Variants in SGCZ observed in about 807,000 individuals in gnomAD.
The protein encoded by SGCZ is zeta-sarcoglycan.
In SGCZ, 40 loss-of-function variants were observed where a neutral mutation model predicts 41.3. The observed-to-expected ratio is 0.97, with a 90% CI of 0.75 to 1.26. SGCZ has a LOEUF of 1.26. Ranked by LOEUF, SGCZ falls within the 50% of genes most tolerant of loss-of-function variation. The pLI is 0.00. For missense variants in SGCZ, 552 were observed against 369.8 expected (o/e 1.49, Z -4.04); for synonymous variants, 206 against 137.5 (o/e 1.50, Z -3.49).
In SGCZ at chr8:14,789,975, T is replaced by C. The variant is rs1800895986; in HGVS notation, c.40-235049A>G. Among the ~76,000 whole-genome samples, 3 of 152,320 alleles carry C rather than the reference T, an allele frequency of 2.0e-5. No individual in the cohort carries two copies. The South Asian group carries it at 6.2e-4, about 32-fold the overall frequency. ...ATGTTTGGTGTTACATAAATGTACA[T>C]TGATTAAATGTAAATTCATGTAAAT... On this transcript the variant is annotated intron_variant, in intron 1 of 7. Transcript: ENST00000382080.
intron 1 of SGCZ, among the ~76,000 whole-genome samples, chr8:15,095,163 A>T (rs1806297241): frequency 6.6e-6 from 1 of 152,076 alleles, no homozygotes; most frequent in South Asian, 2.1e-4. Context: ...CAATGGCGTG[A>T]TCTCAACTCA....
intron 2 of SGCZ, 143 bp downstream of exon 2, chr8:14,554,589 A>G (rs552525435): frequency 2.9e-5 from 21 of 722,410 alleles, no homozygotes; most frequent in Middle Eastern, 4.1e-4. Context: ...TATTCTTAAA[A>G]TAAAATATTA....
At chr8:14,395,416 TA>T (rs1341835098) in intron 2 of SGCZ, among the ~76,000 whole-genome samples, 4 of 152,066 alleles carry the variant, frequency 2.6e-5, no homozygotes, top group Admixed American at 2.6e-4. Flanking sequence ...AGGAAGGATT[TA>T]AAAAGAGACT....
intron 1 of SGCZ, among the ~76,000 whole-genome samples, chr8:14,986,546 T>G (rs377229851): frequency 1.3e-5 from 2 of 152,112 alleles, no homozygotes; most frequent in Non-Finnish European, 2.9e-5. Flanking sequence ...AAATTATAAT[T>G]TCCTTTCGAA....
At chr8:15,003,457 G>T (rs148317520) in intron 1 of SGCZ, among the ~76,000 whole-genome samples, 1 of 152,084 alleles carries the variant, frequency 6.6e-6, no homozygotes, top group Admixed American at 6.6e-5. Context: ...AATTATACAG[G>T]TATGCTATAA....
chr8:14,368,992 C>T (rs1285984149), intron 2 of SGCZ, among the ~76,000 whole-genome samples: 1 of 150,072 alleles, frequency 6.7e-6, no homozygotes, highest in East Asian at 2.0e-4. Context: ...CCTGGATTGT[C>T]TGCTGTCAGA....
At chr8:14,826,931 T>G (rs1280569026) in intron 1 of SGCZ, among the ~76,000 whole-genome samples, 1 of 152,140 alleles carries the variant, frequency 6.6e-6, no homozygotes, top group African/African-American at 2.4e-5. Flanking sequence ...AGAAGCTCTT[T>G]AGTTTAATTA....
At position 14,335,454 on chromosome 8, in the gene SGCZ, G is replaced by T. The variant is rs902435022; in HGVS notation, c.235-11250C>A. ...GAATCTGGTTAATTTCATTACAGAT[G>T]CTGGTAATCACCCATTTGGAAAATA... On this transcript the variant is annotated intron_variant, in intron 2 of 7. Coordinates refer to ENST00000382080, the MANE Select transcript of SGCZ (RefSeq NM_139167.4). Among the ~76,000 whole-genome samples, 7 of 151,990 alleles carry T rather than the reference G, an allele frequency of 4.6e-5. No individual in the cohort carries two copies. In the South Asian group the frequency reaches 1.2e-3, roughly 27 times the overall value.
chr8:14,619,753 C>T (rs555721266), intron 1 of SGCZ, among the ~76,000 whole-genome samples: 1 of 152,234 alleles, frequency 6.6e-6, no homozygotes, highest in Admixed American at 6.5e-5. Flanking sequence ...AGGACCTTTT[C>T]AAGGAGAACT....
At chr8:14,595,922 A>G (rs142156070) in intron 1 of SGCZ, among the ~76,000 whole-genome samples, 1,555 of 152,322 alleles carry the variant, frequency 0.01, 20 homozygotes, top group Middle Eastern at 0.041. Flanking sequence ...AGGTTGTCCA[A>G]TGTGTTGGAA....
intron 1 of SGCZ, among the ~76,000 whole-genome samples, chr8:14,660,820 T>C (rs941258690): frequency 1.1e-4 from 17 of 152,142 alleles, no homozygotes; most frequent in African/African-American, 4.1e-4. Flanking sequence ...GAGTAGTCCA[T>C]ATTTAAGAGA....
At chr8:14,605,573 C>T (rs1805722913) in intron 1 of SGCZ, among the ~76,000 whole-genome samples, 1 of 152,056 alleles carries the variant, frequency 6.6e-6, no homozygotes, top group South Asian at 2.1e-4. Context: ...CTACCCTGCC[C>T]AGCGTCTAGC....
chr8:14,533,170 G>A (rs1299489992), intron 2 of SGCZ, among the ~76,000 whole-genome samples: 1 of 151,560 alleles, frequency 6.6e-6, no homozygotes, highest in Non-Finnish European at 1.5e-5. Context: ...ACAGGCCCCG[G>A]TGTGTTGTCT....
intron 1 of SGCZ, among the ~76,000 whole-genome samples, chr8:14,756,872 A>T (rs552572038): frequency 6.6e-6 from 1 of 152,244 alleles, no homozygotes; most frequent in Non-Finnish European, 1.5e-5. Flanking sequence ...AGTAAAGAGT[A>T]TCACAGTGGT....
chr8:14,424,215 T>C (rs1799713727), intron 2 of SGCZ, among the ~76,000 whole-genome samples: 1 of 152,098 alleles, frequency 6.6e-6, no homozygotes, highest in East Asian at 1.9e-4. Context: ...AAAACCATAG[T>C]AGTAGAAGAC....
At chr8:15,136,019 A>C (rs895506257) in intron 1 of SGCZ, among the ~76,000 whole-genome samples, 1 of 152,142 alleles carries the variant, frequency 6.6e-6, no homozygotes, top group South Asian at 2.1e-4. Context: ...ATTGCCATGG[A>C]AAGGGGCAAC....
chr8:14,196,032 T>G (rs1466646320), intron 4 of SGCZ, among the ~76,000 whole-genome samples: 2 of 152,124 alleles, frequency 1.3e-5, no homozygotes, highest in Admixed American at 6.6e-5. Flanking sequence ...AATGACAGTT[T>G]AAACAAAAAT....
At chr8:14,928,317 T>C (rs955473163) in intron 1 of SGCZ, among the ~76,000 whole-genome samples, 16 of 152,204 alleles carry the variant, frequency 1.1e-4, no homozygotes, top group Non-Finnish European at 1.8e-4. Context: ...ACGTCAAATA[T>C]GCTAGCCTTT....
intron 2 of SGCZ, among the ~76,000 whole-genome samples, chr8:14,444,169 C>T (rs1585521887): frequency 2.6e-5 from 4 of 152,092 alleles, no homozygotes; most frequent in African/African-American, 7.2e-5. Flanking sequence ...ACAACAGGTG[C>T]TGGAGAGGTT....
Sources: allele counts gnomAD v4.1 joint callset (sites outside exome capture counted in the v4.1 genomes callset), GRCh38; gene constraint gnomAD v4.1.1; transcripts MANE v1.5; gene names NCBI Gene and HGNC (gene_info 2026-07-23, HGNC 2026-07-21).